Variants in GPC5 observed in about 807,000 individuals in gnomAD.
The protein encoded by GPC5 is glypican-5.
In GPC5, 47 loss-of-function variants were observed where a neutral mutation model predicts 53.9. The ratio of observed to expected loss-of-function variants is 0.87; its 90% CI spans 0.69 to 1.11. The LOEUF is 1.11. Among genes scored for constraint, GPC5 ranks in the 50% most tolerant of loss-of-function variants. GPC5 has a pLI of 0.00. For synonymous variants in GPC5, 286 were observed against 263.3 expected (o/e 1.09, Z -0.84); for missense variants, 748 against 713.1 (o/e 1.05, Z -0.56).
chr13:91,572,130 T>TAC lies in GPC5; in HGVS notation c.326-121056_326-121055insCA, dbSNP rs368327527. On this transcript the variant is annotated intron_variant, in intron 2 of 7. Coordinates refer to ENST00000377067, the MANE Select transcript of GPC5 (RefSeq NM_004466.6). ...ACACACATGTATATATACGTGTGTA[T>TAC]ATACACATATGTATATATACGTGTG... Among the ~76,000 whole-genome samples, 42 of 140,448 alleles carry TAC rather than the reference T, an allele frequency of 3.0e-4. 3 individuals are homozygous for TAC. Among genetic ancestry groups the TAC allele is most frequent in the East Asian group, 8.1e-4 (4 of 4,910 alleles). 92.1% of individuals were successfully genotyped at this position (140,448 alleles called of 152,430 possible).
At chr13:91,586,529 T>C (rs1315427998) in intron 2 of GPC5, among the ~76,000 whole-genome samples, 4 of 37,406 alleles carry the variant, frequency 1.1e-4, no homozygotes, top group African/African-American at 5.8e-4. Context: ...TATATATATA[T>C]ATATATATAT....
intron 7 of GPC5, among the ~76,000 whole-genome samples, chr13:92,795,097 A>G (rs141563396): frequency 0.014 from 2,156 of 152,252 alleles, 56 homozygotes; most frequent in African/African-American, 0.049. Context: ...AGCAAAAAGA[A>G]CAAAGCTGGA....
chr13:91,451,046 C>T lies in GPC5; in HGVS notation c.325+2124C>T, dbSNP rs114210917. Among the ~76,000 whole-genome samples, 671 of 152,258 alleles carry T rather than the reference C, an allele frequency of 4.4e-3. 4 individuals carry two copies. The highest frequency in any genetic ancestry group is 0.016 in the African/African-American group (651 of 41,572). On this transcript the variant is annotated intron_variant, in intron 2 of 7. Coordinates refer to ENST00000377067, the MANE Select transcript of GPC5 (RefSeq NM_004466.6). Reference sequence around the variant, plus strand: ...CTACCTTATCATTAAGTAAAATGCCCTCCATCTAATTTCTGTGCAATTAAA... The same window carrying T: ...CTACCTTATCATTAAGTAAAATGCCTTCCATCTAATTTCTGTGCAATTAAA...
intron 7 of GPC5, among the ~76,000 whole-genome samples, chr13:92,315,823 A>G (rs78330262): frequency 6.6e-6 from 1 of 152,332 alleles, no homozygotes; most frequent in East Asian, 1.9e-4. Flanking sequence ...GTAAAATCAG[A>G]ATGGAAAAGA....
chr13:91,663,442 T>C (rs571200872), intron 2 of GPC5, among the ~76,000 whole-genome samples: 1 of 152,268 alleles, frequency 6.6e-6, no homozygotes, highest in Admixed American at 6.5e-5. Flanking sequence ...CCCCTGAATT[T>C]GAAACTGATT....
intron 6 of GPC5, among the ~76,000 whole-genome samples, chr13:91,914,623 G>T (rs149686437): frequency 7.6e-5 from 6 of 78,824 alleles, no homozygotes; most frequent in Non-Finnish European, 1.7e-4. Flanking sequence ...GTAGAAAAAG[G>T]CTGTGCTAAA....
chr13:91,489,671 C>G (rs1463816067), intron 2 of GPC5, among the ~76,000 whole-genome samples: 2 of 152,012 alleles, frequency 1.3e-5, no homozygotes, highest in African/African-American at 4.8e-5. Context: ...TTTTAGTTGC[C>G]ATCATAATGG....
At chr13:92,733,465 A>C (rs1888859616) in intron 7 of GPC5, among the ~76,000 whole-genome samples, 1 of 151,770 alleles carries the variant, frequency 6.6e-6, no homozygotes, top group Non-Finnish European at 1.5e-5. Flanking sequence ...ACGACTTGGC[A>C]AATGTTGTCT....
intron 7 of GPC5, among the ~76,000 whole-genome samples, chr13:92,559,328 A>T (rs1477165371): frequency 9.7e-6 from 1 of 103,120 alleles, no homozygotes; most frequent in Admixed American, 1.0e-4. Flanking sequence ...TGTAGTGTGT[A>T]TATGTGTGTG....
chr13:92,095,615 A>G (rs1300552245), intron 6 of GPC5, among the ~76,000 whole-genome samples: 1 of 151,958 alleles, frequency 6.6e-6, no homozygotes, highest in African/African-American at 2.4e-5. Context: ...GCTCACTGCA[A>G]CCTCCACCTC....
intron 2 of GPC5, among the ~76,000 whole-genome samples, chr13:91,665,505 C>CTTTTTTTTTTTTTTTTTTT (rs371605806): frequency 1.4e-5 from 2 of 146,134 alleles, no homozygotes; most frequent in African/African-American, 5.2e-5. Context: ...AAAAGCCAGT[C>CTTTTTTTTTTTTTTTTTTT]TTTTTTTTTT....
chr13:91,561,391 A>G (rs190587175), intron 2 of GPC5, among the ~76,000 whole-genome samples: 135 of 152,270 alleles, frequency 8.9e-4, no homozygotes, highest in African/African-American at 3.1e-3. Context: ...GAAGATGTCA[A>G]TGCCATTATC....
intron 7 of GPC5, among the ~76,000 whole-genome samples, chr13:92,316,174 C>A (rs2043177988): frequency 6.6e-6 from 1 of 151,296 alleles, no homozygotes; most frequent in African/African-American, 2.4e-5. Flanking sequence ...TAGTAGAAAC[C>A]CATGAAAAAT....
chr13:91,867,176 T>C (rs1179549583), intron 5 of GPC5, among the ~76,000 whole-genome samples: 1 of 152,166 alleles, frequency 6.6e-6, no homozygotes, highest in South Asian at 2.1e-4. Context: ...GGTCACGCCA[T>C]TGTGCTCCAG....
intron 1 of GPC5, among the ~76,000 whole-genome samples, chr13:91,413,590 A>T (rs1877970691): frequency 6.6e-6 from 1 of 152,272 alleles, no homozygotes; most frequent in South Asian, 2.1e-4. Flanking sequence ...TGTCATTCAC[A>T]CTTACAGGAG....
At chr13:92,156,290 C>T (rs971588836) in intron 7 of GPC5, among the ~76,000 whole-genome samples, 2 of 152,106 alleles carry the variant, frequency 1.3e-5, no homozygotes, top group Admixed American at 6.5e-5. Context: ...TTCAAGAGTT[C>T]AGCAGGTTTC....
intron 6 of GPC5, among the ~76,000 whole-genome samples, chr13:91,938,167 T>C (rs2039888722): frequency 6.6e-6 from 1 of 152,050 alleles, no homozygotes; most frequent in Admixed American, 6.6e-5. Flanking sequence ...AAGAGGTTTA[T>C]GGTCTCATGG....
chr13:92,068,498 A>G (rs2041184391), intron 6 of GPC5, among the ~76,000 whole-genome samples: 1 of 151,596 alleles, frequency 6.6e-6, no homozygotes, highest in African/African-American at 2.4e-5. Flanking sequence ...AATTCTTACA[A>G]AAAGTAAGAA....
chr13:92,555,028 T>C (rs1307261457), intron 7 of GPC5, among the ~76,000 whole-genome samples: 2 of 151,348 alleles, frequency 1.3e-5, no homozygotes, highest in Non-Finnish European at 3.0e-5. Context: ...GTAAAAGGTT[T>C]CTTTTTCAAG....
Sources: allele counts gnomAD v4.1 joint callset (sites outside exome capture counted in the v4.1 genomes callset), GRCh38; gene constraint gnomAD v4.1.1; transcripts MANE v1.5; gene names NCBI Gene and HGNC (gene_info 2026-07-23, HGNC 2026-07-21).